The following RGS5 variants were observed in gnomAD, a reference collection of about 807,000 sequenced individuals.
RGS5 encodes the protein regulator of G protein signaling 5.
RGS5 carries 20 observed loss-of-function variants against 18.9 expected under a neutral mutation model. That is an observed-to-expected ratio of 1.06 (90% CI 0.74 to 1.54). RGS5 has a LOEUF of 1.54. Among genes scored for constraint, RGS5 ranks in the 40% most tolerant of loss-of-function variants. The pLI, the probability that RGS5 is intolerant of heterozygous loss-of-function variation, is 0.00. For synonymous variants in RGS5, 57 were observed against 76.2 expected, an observed-to-expected ratio of 0.75 and a Z score of 1.31; for missense variants, 201 against 211.8, an observed-to-expected ratio of 0.95 and a Z score of 0.32.
chr1:163,170,005 T>C (rs567717252), intron 1 of RGS5, among the ~76,000 whole-genome samples: 7 of 152,290 alleles, frequency 4.6e-5, no homozygotes, highest in African/African-American at 1.2e-4. Flanking sequence ...GGGATGCAAC[T>C]ATTTTCACGC....
At chr1:163,289,805 G>A (rs1278088999) in intron 2 of RGS5, among the ~76,000 whole-genome samples, 2 of 152,108 alleles carry the variant, frequency 1.3e-5, no homozygotes, top group African/African-American at 4.8e-5. Flanking sequence ...GAGGGTAAGA[G>A]AGCCCTCGGT....
chr1:163,176,925 C>T (rs139037523), intron 1 of RGS5, among the ~76,000 whole-genome samples: 68 of 152,264 alleles, frequency 4.5e-4, no homozygotes, highest in African/African-American at 1.4e-3. Flanking sequence ...GCTACTTGAC[C>T]TAATCAAGCA....
intron 1 of RGS5, among the ~76,000 whole-genome samples, chr1:163,180,691 T>G (rs958229839): frequency 5.0e-5 from 6 of 119,164 alleles, no homozygotes; most frequent in Non-Finnish European, 8.6e-5. Context: ...ACCCTGTTTT[T>G]TTTTTTTTTT....
chr1:163,159,406 G>C (rs1171679676), intron 3 of RGS5, among the ~76,000 whole-genome samples: 2 of 152,124 alleles, frequency 1.3e-5, no homozygotes, highest in African/African-American at 4.8e-5. Context: ...ATTAATTTGG[G>C]GAACTAATAA....
intron 3 of RGS5, among the ~76,000 whole-genome samples, chr1:163,159,956 AG>A (rs1225146400): frequency 6.6e-6 from 1 of 152,168 alleles, no homozygotes; most frequent in East Asian, 1.9e-4. Context: ...TCTGAGAAGT[AG>A]AAAATATTAC....
chr1:163,187,338 A>C (rs1277030231), intron 1 of RGS5, among the ~76,000 whole-genome samples: 1 of 152,160 alleles, frequency 6.6e-6, no homozygotes, highest in African/African-American at 2.4e-5. Context: ...CTAGTCACAT[A>C]TAGTATGTGT....
chr1:163,314,426 G>T (rs935815104), intron 1 of RGS5, among the ~76,000 whole-genome samples: 1 of 151,954 alleles, frequency 6.6e-6, no homozygotes, highest in Non-Finnish European at 1.5e-5. Flanking sequence ...ACTTAGAAGT[G>T]ATTTTCTCCT....
intron 1 of RGS5, among the ~76,000 whole-genome samples, chr1:163,170,869 G>A (rs1012188299): frequency 1.3e-5 from 2 of 152,184 alleles, no homozygotes; most frequent in African/African-American, 4.8e-5. Flanking sequence ...ATTAGAATAA[G>A]TGTCGCTTTA....
intron 2 of RGS5, among the ~76,000 whole-genome samples, chr1:163,250,705 A>G (rs537889090): frequency 1.3e-5 from 2 of 152,312 alleles, no homozygotes; most frequent in African/African-American, 4.8e-5. Context: ...AAATATTATT[A>G]GTGTTAGAAA....
At chr1:163,180,846 C>CA (rs1658806691) in intron 1 of RGS5, among the ~76,000 whole-genome samples, 1 of 151,924 alleles carries the variant, frequency 6.6e-6, no homozygotes, top group African/African-American at 2.4e-5. Context: ...AGGTGCCCGT[C>CA]ACTACGCCCG....
intron 2 of RGS5, among the ~76,000 whole-genome samples, chr1:163,223,050 G>T (rs1304868774): frequency 1.4e-5 from 2 of 143,134 alleles, no homozygotes; most frequent in African/African-American, 5.9e-5. Context: ...TTACCATGTT[G>T]GTCAGGCTGG....
intron 2 of RGS5, among the ~76,000 whole-genome samples, chr1:163,265,545 T>A (rs1648554663): frequency 6.6e-6 from 1 of 152,106 alleles, no homozygotes; most frequent in African/African-American, 2.4e-5. Context: ...TAATAAATCT[T>A]CTTTTTGAAC....
Position 163,209,707 on chromosome 1 carries a change from C to A in RGS5, c.69+7819G>T, listed in dbSNP as rs114101829. Among the ~76,000 whole-genome samples, 418 of 152,204 alleles carry A rather than the reference C, an allele frequency of 2.7e-3. 4 individuals carry two copies. Among genetic ancestry groups the A allele is most frequent in the African/African-American group, 8.6e-3 (357 of 41,556 alleles). ...TTATTAAGTGTATATTTTGATACCT[C>A]ACTGAATTATATTATTGTTCAAGTT... On this transcript the variant is annotated intron_variant, in intron 1 of 5. Transcript: ENST00000367903.
intron 1 of RGS5, among the ~76,000 whole-genome samples, chr1:163,199,659 T>C (rs1308578719): frequency 6.6e-6 from 1 of 152,204 alleles, no homozygotes; most frequent in African/African-American, 2.4e-5. Context: ...ATTATTCTTA[T>C]AATTGCTTTC....
chr1:163,206,436 C>G (rs911105793), upstream of RGS5, among the ~76,000 whole-genome samples: 1 of 152,224 alleles, frequency 6.6e-6, no homozygotes, highest in Non-Finnish European at 1.5e-5. Context: ...TTTCATCACA[C>G]TTAGTACCTG....
chr1:163,161,995 G>C lies in RGS5; in HGVS notation c.156-19C>G, dbSNP rs1364952563. 1 of 1,595,426 alleles carries C rather than the reference G, an allele frequency of 6.3e-7. No individual in the cohort carries two copies. Among genetic ancestry groups the C allele is most frequent in the South Asian group, 1.1e-5 (1 of 90,632 alleles). ...CGAGGTTCTACATCAATAATAAGGA[G>C]AGAAAAGGGGTATGGCGTAAGTAGG... On this transcript the variant is annotated intron_variant, in intron 2 of 4. Transcript: ENST00000313961.
intron 1 of RGS5, among the ~76,000 whole-genome samples, chr1:163,213,838 T>C (rs901877718): frequency 2.6e-5 from 4 of 152,164 alleles, no homozygotes; most frequent in Non-Finnish European, 5.9e-5. Flanking sequence ...CACTCATTTC[T>C]AATTAGCTTT....
chr1:163,275,292 TCAA>T lies in RGS5; in HGVS notation c.-281+30938_-281+30940del, dbSNP rs1196850251. ...ATGGTCTCTGATCAACCTAGGACAT[TCAA>T]TAAATCTTCTTAGTGCCCCCAGGTT... is the stretch of plus-strand genomic sequence containing the variant. On this transcript the variant is annotated intron_variant, in intron 2 of 5. Coordinates refer to the RGS5 transcript ENST00000618415. Among the ~76,000 whole-genome samples, 333 of 152,246 alleles carry T rather than the reference TCAA, an allele frequency of 2.2e-3. 1 individual carries two copies. Among genetic ancestry groups the T allele is most frequent in the African/African-American group, 7.9e-3 (327 of 41,536 alleles).
intron 1 of RGS5, among the ~76,000 whole-genome samples, chr1:163,175,924 C>T (rs535918994): frequency 6.6e-6 from 1 of 152,114 alleles, no homozygotes; most frequent in African/African-American, 2.4e-5. Context: ...GATATGACTT[C>T]AGAAATGAAA....
Sources: allele counts gnomAD v4.1 joint callset (sites outside exome capture counted in the v4.1 genomes callset), GRCh38; gene constraint gnomAD v4.1.1; transcripts MANE v1.5; gene names NCBI Gene and HGNC (gene_info 2026-07-23, HGNC 2026-07-21).